MEIKIN: variants seen among roughly 807,000 people sequenced by gnomAD.
MEIKIN encodes meiosis-specific kinetochore protein.
chr5:131,899,542 T>TAAAAA (rs398065218), intron 8 of MEIKIN, among the ~76,000 whole-genome samples: 8 of 125,430 alleles, frequency 6.4e-5, no homozygotes, highest in Admixed American at 8.2e-5. Flanking sequence ...TGAATGGATT[T>TAAAAA]AAAAAAAAAA....
chr5:131,869,990 G>C (rs1221241105), intron 9 of MEIKIN, among the ~76,000 whole-genome samples: 1 of 152,122 alleles, frequency 6.6e-6, no homozygotes, highest in African/African-American at 2.4e-5. Flanking sequence ...TTTACTTGTT[G>C]TTAGGACAAA....
intron 11 of MEIKIN, among the ~76,000 whole-genome samples, chr5:131,823,613 T>C (rs1386452671): frequency 3.3e-5 from 5 of 152,132 alleles, no homozygotes; most frequent in Non-Finnish European, 7.4e-5. Flanking sequence ...TTGAATTTCA[T>C]TGAATTTCCT....
At chr5:131,870,204 C>A (rs1750461725) in intron 9 of MEIKIN, among the ~76,000 whole-genome samples, 1 of 152,106 alleles carries the variant, frequency 6.6e-6, no homozygotes, top group Non-Finnish European at 1.5e-5. Flanking sequence ...ATTAAGCACT[C>A]ATAATAATTA....
intron 8 of MEIKIN, among the ~76,000 whole-genome samples, chr5:131,882,664 T>C (rs1022134169): frequency 3.9e-5 from 6 of 152,200 alleles, no homozygotes; most frequent in African/African-American, 9.6e-5. Context: ...TCTCAGTACA[T>C]TTAGAATAAA....
At chr5:131,883,591 G>A (rs1035852439) in intron 8 of MEIKIN, among the ~76,000 whole-genome samples, 10 of 152,140 alleles carry the variant, frequency 6.6e-5, no homozygotes, top group Non-Finnish European at 1.2e-4. Flanking sequence ...AAATGTATAA[G>A]GAAGGACAAA....
intron 8 of MEIKIN, among the ~76,000 whole-genome samples, chr5:131,886,875 T>TATAC (rs1455991333): frequency 6.6e-6 from 1 of 151,886 alleles, no homozygotes; most frequent in Non-Finnish European, 1.5e-5. Flanking sequence ...GTTACACAGG[T>TATAC]ATGTGCCATG....
intron 4 of MEIKIN, among the ~76,000 whole-genome samples, chr5:131,938,542 T>C (rs6872876): frequency 0.011 from 1,739 of 152,310 alleles, 24 homozygotes; most frequent in African/African-American, 0.039. Context: ...ACTGATGCTA[T>C]TTCTATCCTT....
chr5:131,891,013 G>A (rs969798706), intron 8 of MEIKIN, among the ~76,000 whole-genome samples: 3 of 152,210 alleles, frequency 2.0e-5, no homozygotes, highest in Non-Finnish European at 4.4e-5. Flanking sequence ...CAGTTTCCAT[G>A]TAGTTGAGCG....
chr5:131,901,169 G>A lies in MEIKIN; in HGVS notation c.703+10646C>T, dbSNP rs140327179. Among the ~76,000 whole-genome samples the A allele has an allele frequency of 4.3e-3, 652 of 152,214 alleles. 12 individuals are homozygous for A. Among genetic ancestry groups the A allele is most frequent in the Non-Finnish European group, 2.9e-3 (195 of 68,014 alleles). On this transcript the variant is annotated intron_variant, in intron 8 of 12. Coordinates refer to ENST00000442687, the MANE Select transcript of MEIKIN (RefSeq NM_001303622.2). ...CCTGCAAGGCCACTGCCACTCACATGAATGCACGCACAGATGGCGTCAGTC... is the reference window on the plus strand; with the variant it reads ...CCTGCAAGGCCACTGCCACTCACATAAATGCACGCACAGATGGCGTCAGTC...
At chr5:131,838,504 G>C (rs777765051) in intron 11 of MEIKIN, among the ~76,000 whole-genome samples, 1 of 151,838 alleles carries the variant, frequency 6.6e-6, no homozygotes, top group Non-Finnish European at 1.5e-5. Context: ...TGGTTGGTAG[G>C]CTTATTACTT....
chr5:131,829,624 A>G (rs1749679456), intron 11 of MEIKIN, among the ~76,000 whole-genome samples: 1 of 152,220 alleles, frequency 6.6e-6, no homozygotes, highest in Admixed American at 6.5e-5. Flanking sequence ...AACAAGTGTT[A>G]TGGGTTGAAT....
At chr5:131,815,826 T>G (rs1401493001) in intron 12 of MEIKIN, among the ~76,000 whole-genome samples, 1 of 152,218 alleles carries the variant, frequency 6.6e-6, no homozygotes, top group Non-Finnish European at 1.5e-5. Flanking sequence ...ATAAAGTTTG[T>G]GTCACCCACC....
At chr5:131,943,713 C>T (rs2079998308) in intron 3 of MEIKIN, among the ~76,000 whole-genome samples, 1 of 152,032 alleles carries the variant, frequency 6.6e-6, no homozygotes, top group African/African-American at 2.4e-5. Context: ...AAATACTCTA[C>T]AAGGACTACT....
chr5:131,931,811 T>A (rs1387659992), intron 5 of MEIKIN, among the ~76,000 whole-genome samples: 2 of 152,216 alleles, frequency 1.3e-5, no homozygotes, highest in Non-Finnish European at 2.9e-5. Flanking sequence ...TGTTTCAACA[T>A]CTTGCTGACA....
At chr5:131,943,915 C>T (rs1444861563) in intron 3 of MEIKIN, among the ~76,000 whole-genome samples, 2 of 151,922 alleles carry the variant, frequency 1.3e-5, no homozygotes, top group Admixed American at 6.6e-5. Flanking sequence ...GTCAGGAGTT[C>T]GAGACCAGCC....
At chr5:131,935,138 T>C (rs1580914959) in intron 4 of MEIKIN, among the ~76,000 whole-genome samples, 1 of 148,440 alleles carries the variant, frequency 6.7e-6, no homozygotes, top group African/African-American at 2.5e-5. Flanking sequence ...AAATCCAGAA[T>C]GTAAAGAACT....
chr5:131,826,709 T>C (rs183917910), intron 11 of MEIKIN, among the ~76,000 whole-genome samples: 3 of 152,104 alleles, frequency 2.0e-5, no homozygotes, highest in Admixed American at 2.0e-4. Flanking sequence ...TCTCATGAGA[T>C]TTGGTTGATA....
intron 10 of MEIKIN, 54 bp downstream of exon 10, chr5:131,854,700 G>C (rs1750166426): frequency 5.0e-6 from 2 of 396,728 alleles, no homozygotes; most frequent in South Asian, 1.3e-4. Context: ...TAGAAGAATG[G>C]GGAGAGGAGG....
intron 4 of MEIKIN, among the ~76,000 whole-genome samples, chr5:131,933,931 G>T (rs1170056798): frequency 2.0e-5 from 3 of 151,622 alleles, no homozygotes; most frequent in African/African-American, 7.3e-5. Context: ...GTGATTCTTG[G>T]CTCAAAAATT....
Sources: gnomAD v4.1 joint callset for allele counts (sites outside exome capture counted in the v4.1 genomes callset) on GRCh38, gnomAD v4.1.1 for gene constraint, MANE v1.5 for transcripts, NCBI Gene and HGNC (gene_info 2026-07-23, HGNC 2026-07-21) for gene names.